The following AGPAT5 variants were observed in gnomAD, a reference collection of about 807,000 sequenced individuals.
AGPAT5 encodes 1-acyl-sn-glycerol-3-phosphate acyltransferase epsilon.
AGPAT5 carries 46 observed loss-of-function variants against 45.6 expected under a neutral mutation model. The observed-to-expected ratio is 1.01, with a 90% CI of 0.80 to 1.29. The LOEUF (loss-of-function observed/expected upper bound fraction) is 1.29, where lower values mean the gene tolerates loss of function less well. Ranked by LOEUF, AGPAT5 falls within the 50% of genes most tolerant of loss-of-function variation. The probability of loss-of-function intolerance (pLI) is 0.00; values close to 1 mark genes in which losing one functional copy is unlikely to be tolerated. For missense variants in AGPAT5, 673 were observed against 450.7 expected, an observed-to-expected ratio of 1.49 and a Z score of -4.47; for synonymous variants, 272 against 167.0, an observed-to-expected ratio of 1.63 and a Z score of -4.85.
Position 6,757,270 on chromosome 8 carries a change from T to A in AGPAT5, c.977T>A (p.Leu326Ter), listed in dbSNP as rs1342649623. 1.2e-6 allele frequency: 2 copies of A among 1,614,096 alleles called. No individual in the cohort carries two copies. The highest frequency in any genetic ancestry group is 3.3e-5 in the Admixed American group (2 of 60,032). The change falls in exon 8 of 8, where the codon TTG becomes TAG. Residue 326 changes from leucine to a stop codon, truncating the protein, a stop_gained. Coordinates refer to ENST00000285518, the MANE Select transcript of AGPAT5 (RefSeq NM_018361.5). LOFTEE classifies it high-confidence loss of function. ...LSIKKTLPSMLILSGLTAGML... is the reference protein window; with the variant it reads ...LSIKKTLPSM ...ATCAAGAAGACTTTACCATCAATGT[T>A]GATCTTAAGTGGTTTGACTGCAGGC...
At chr8:6,708,947 T>C (rs775955230) in intron 1 of AGPAT5, 60 bp downstream of exon 1, 1 of 1,489,802 alleles carries the variant, frequency 6.7e-7, no homozygotes, top group Non-Finnish European at 9.1e-7. Flanking sequence ...GGCGCGGACC[T>C]CTCCGCTCCC....
chr8:6,712,084 A>G lies in AGPAT5; in HGVS notation c.219+3197A>G, dbSNP rs551730112. ...TAGTTCTGCCTATTCAGTATTTTGT[A>G]GTTATTTCGTAGTTTAACTTGCCTT... On this transcript the variant is annotated intron_variant, in intron 1 of 7. Coordinates refer to ENST00000285518, the MANE Select transcript of AGPAT5 (RefSeq NM_018361.5). Among the ~76,000 whole-genome samples the G allele has an allele frequency of 6.6e-5, 10 of 152,314 alleles. No homozygotes were observed. The South Asian group carries it at 2.1e-3, about 32-fold the overall frequency.
Position 6,757,178 on chromosome 8 carries a change from T to C in AGPAT5, c.885T>C (p.Phe295=), listed in dbSNP as rs1801873162. 1 of 1,613,460 alleles carries C rather than the reference T, an allele frequency of 6.2e-7. No individual in the cohort carries two copies. Among genetic ancestry groups the C allele is most frequent in the Non-Finnish European group, 8.5e-7 (1 of 1,179,910 alleles). The part of the protein sequence containing the change: ...FEIKDKMLIE[F]YESPDPERRK... ...CTGGCCATAGGATGCTTATAGAATT[T>C]TATGAGTCACCAGATCCAGAAAGAA... Residue 295 remains phenylalanine, a synonymous_variant, in exon 8 of 8, where the codon TTT becomes TTC. Transcript: ENST00000285518.
chr8:6,757,607 A>G lies in AGPAT5; in HGVS notation c.*219A>G. 1 of 508,744 alleles carries G rather than the reference A, an allele frequency of 2.0e-6. No individual in the cohort carries two copies. The highest frequency in any genetic ancestry group is 3.5e-6 in the Non-Finnish European group (1 of 285,236). 31.5% of individuals were successfully genotyped at this position (508,744 alleles called of 1,614,324 possible). A position where few individuals can be genotyped will look rare whatever the true frequency, so the allele number is the denominator to read the frequency against. ...AGCATCGGGGCTGCTGGAAGGGTAA[A>G]AGCTAAATGGAGTTTCTCCTGCTCT... On this transcript the variant is annotated 3_prime_UTR_variant, in exon 8 of 8. Coordinates refer to ENST00000285518, the MANE Select transcript of AGPAT5 (RefSeq NM_018361.5).
intron 5 of AGPAT5, 118 bp downstream of exon 5, chr8:6,741,869 T>C: frequency 1.4e-6 from 1 of 729,462 alleles, no homozygotes; most frequent in Non-Finnish European, 2.3e-6. Context: ...TATTCATTCC[T>C]TGAATTAGTG....
At chr8:6,748,863 C>G (rs997061619) in intron 6 of AGPAT5, among the ~76,000 whole-genome samples, 2 of 152,098 alleles carry the variant, frequency 1.3e-5, no homozygotes, top group African/African-American at 4.8e-5. Context: ...GGCAGATGTT[C>G]AAAATATGAG....
chr8:6,745,007 T>C (rs959599505), intron 5 of AGPAT5, among the ~76,000 whole-genome samples: 1 of 152,254 alleles, frequency 6.6e-6, no homozygotes, highest in Non-Finnish European at 1.5e-5. Flanking sequence ...ATTTTTCTCC[T>C]TTTGACTACC....
At chr8:6,731,027 C>A (rs944201121) in intron 3 of AGPAT5, among the ~76,000 whole-genome samples, 7 of 151,862 alleles carry the variant, frequency 4.6e-5, no homozygotes, top group Non-Finnish European at 7.4e-5. Flanking sequence ...CACCATCATG[C>A]CCGGCTAAAT....
At chr8:6,739,799 A>G (rs1386206832) in intron 4 of AGPAT5, among the ~76,000 whole-genome samples, 1 of 152,076 alleles carries the variant, frequency 6.6e-6, no homozygotes, top group African/African-American at 2.4e-5. Flanking sequence ...CTTGACTAGA[A>G]CTGGTGTGAG....
chr8:6,744,556 G>T (rs645643), intron 5 of AGPAT5, among the ~76,000 whole-genome samples: 1 of 152,114 alleles, frequency 6.6e-6, no homozygotes, highest in Non-Finnish European at 1.5e-5. Flanking sequence ...CCTGTGCTTG[G>T]TTCGGGGTCC....
intron 1 of AGPAT5, 69 bp from the exon 2 acceptor site, chr8:6,724,800 CA>C: frequency 2.1e-6 from 1 of 467,166 alleles, no homozygotes. Flanking sequence ...AGTTTCTTCA[CA>C]TTGTCTTCCT....
intron 1 of AGPAT5, among the ~76,000 whole-genome samples, chr8:6,713,931 G>A (rs998234800): frequency 6.6e-6 from 1 of 152,158 alleles, no homozygotes; most frequent in Non-Finnish European, 1.5e-5. Flanking sequence ...TCTTTGTGTA[G>A]CACTGATTCA....
intron 2 of AGPAT5, among the ~76,000 whole-genome samples, chr8:6,725,305 G>T (rs1202358357): frequency 1.3e-5 from 2 of 152,160 alleles, no homozygotes; most frequent in Non-Finnish European, 2.9e-5. Context: ...TGATTGCTAA[G>T]CTGCAGAAAA....
rs1330978967 is a variant in AGPAT5, at chr8:6,761,054, T to C, written c.*3666T>C. ...CCTGTAGCAACTGGGGAGTCATATA[T>C]GAGGTCAAAGACATATACCTTGTTA... On this transcript the variant is annotated 3_prime_UTR_variant, in exon 8 of 8. Transcript: ENST00000285518. Among the ~76,000 whole-genome samples, 1 of 152,144 alleles carries C rather than the reference T, an allele frequency of 6.6e-6. No individual in the cohort carries two copies. The highest frequency in any genetic ancestry group is 2.4e-5 in the African/African-American group (1 of 41,456).
At chr8:6,753,562 T>G (rs1801725901) in intron 6 of AGPAT5, among the ~76,000 whole-genome samples, 1 of 152,142 alleles carries the variant, frequency 6.6e-6, no homozygotes, top group African/African-American at 2.4e-5. Context: ...CTTCTATTAT[T>G]ATTATCCCTA....
chr8:6,719,671 A>G (rs142771296), intron 1 of AGPAT5, among the ~76,000 whole-genome samples: 7 of 152,330 alleles, frequency 4.6e-5, no homozygotes, highest in African/African-American at 1.4e-4. Flanking sequence ...CTCCAGCTTT[A>G]CCACCCAAAC....
At chr8:6,735,250 C>T (rs1383120799) in intron 4 of AGPAT5, among the ~76,000 whole-genome samples, 2 of 152,156 alleles carry the variant, frequency 1.3e-5, no homozygotes, top group African/African-American at 2.4e-5. Flanking sequence ...TTTCAGGCTG[C>T]TGTTCCATAG....
chr8:6,710,189 A>T (rs976728484), intron 1 of AGPAT5, among the ~76,000 whole-genome samples: 1 of 152,216 alleles, frequency 6.6e-6, no homozygotes, highest in Non-Finnish European at 1.5e-5. Flanking sequence ...ACACAATATG[A>T]TGCAGAATAC....
At chr8:6,753,634 G>A (rs1801729797) in intron 6 of AGPAT5, among the ~76,000 whole-genome samples, 1 of 152,136 alleles carries the variant, frequency 6.6e-6, no homozygotes, top group South Asian at 2.1e-4. Flanking sequence ...TACCCCAGAG[G>A]TGGAGATCCA....
Sources: gnomAD v4.1 joint callset for allele counts (sites outside exome capture counted in the v4.1 genomes callset) on GRCh38, gnomAD v4.1.1 for gene constraint, MANE v1.5 for transcripts, NCBI Gene and HGNC (gene_info 2026-07-23, HGNC 2026-07-21) for gene names.